VPS33A: variants seen among roughly 807,000 people sequenced by gnomAD.
The protein encoded by VPS33A is VPS33A core subunit of CORVET and HOPS complexes, also known as vacuolar protein sorting-associated protein 33A.
Under a neutral mutation model 71.8 loss-of-function variants are expected in VPS33A, and 32 were observed. That is an observed-to-expected ratio of 0.45 (90% CI 0.34 to 0.60). VPS33A has a LOEUF of 0.60. Ranked by LOEUF, VPS33A falls within the 20% of genes least tolerant of loss-of-function variation. VPS33A has a pLI of 0.02. For missense variants in VPS33A, 625 were observed against 748.5 expected, an observed-to-expected ratio of 0.84 and a Z score of 1.92; for synonymous variants, 311 against 292.7, an observed-to-expected ratio of 1.06 and a Z score of -0.64.
chr12:122,244,889 G>A (rs897524953), intron 6 of VPS33A, 127 bp from the exon 7 acceptor site: 2 of 866,956 alleles, frequency 2.3e-6, no homozygotes, highest in Non-Finnish European at 3.5e-6. Context: ...ACATAGCTCT[G>A]AGCTTTTGAT....
At chr12:122,259,254 T>C (rs1179152058) in intron 4 of VPS33A, among the ~76,000 whole-genome samples, 1 of 151,904 alleles carries the variant, frequency 6.6e-6, no homozygotes, top group Non-Finnish European at 1.5e-5. Flanking sequence ...AGTTTCACTC[T>C]TGTTGCCCAG....
At chr12:122,235,289 G>C (rs1296199706) in intron 11 of VPS33A, among the ~76,000 whole-genome samples, 3 of 141,778 alleles carry the variant, frequency 2.1e-5, no homozygotes, top group Non-Finnish European at 4.5e-5. Context: ...TTTTGAGACA[G>C]AGTCTTGCTC....
intron 11 of VPS33A, among the ~76,000 whole-genome samples, chr12:122,234,257 T>C (rs1396185057): frequency 1.3e-5 from 2 of 152,210 alleles, no homozygotes; most frequent in African/African-American, 2.4e-5. Context: ...TGGCCCTGCT[T>C]TTGCATAGCT....
At chr12:122,251,145 A>G (rs765367966) in intron 4 of VPS33A, 46 bp from the exon 5 acceptor site, 15 of 1,361,714 alleles carry the variant, frequency 1.1e-5, no homozygotes, top group African/African-American at 1.4e-5. Flanking sequence ...GGGGCCTCCC[A>G]GGGGCCCATC....
In VPS33A at chr12:122,230,927, T is replaced by C. The variant is rs559692954; in HGVS notation, c.*1319A>G. ...GCTGGTCTCCAAGATCATCAAGAGA[T>C]ACACCTGGAGAAGGCTGAGGTCACC... On this transcript the variant is annotated 3_prime_UTR_variant, in exon 13 of 13. Transcript: ENST00000267199. 1 of 152,216 alleles carries C rather than the reference T, an allele frequency of 6.6e-6. No homozygotes were observed. The highest frequency in any genetic ancestry group is 6.5e-5 in the Admixed American group (1 of 15,278). The allele number at this position is 152,216 out of a possible 1,614,324, so 9.4% of individuals were successfully genotyped here.
At position 122,264,172 on chromosome 12, in the gene VPS33A, C is replaced by G. The variant is rs1955035899; in HGVS notation, c.130G>C (p.Gly44Arg). Residue 44 changes from glycine (G) to arginine (R), a missense_variant, in exon 2 of 13, where the codon GGA becomes CGA. Physicochemically the swap from Gly to Arg is moderately radical, Grantham distance 125. Coordinates refer to ENST00000267199, the MANE Select transcript of VPS33A (RefSeq NM_022916.6). ...TACTGTGCAATCAGGCCAAAGGGTC[C>G]AGTTAGGTATTCATCCCAAACTATT... ...KAIVWDEYLT[G>R]PFGLIAQYSL... 3 of 1,557,398 alleles carry G rather than the reference C, an allele frequency of 1.9e-6. No individual in the cohort carries two copies. The highest frequency in any genetic ancestry group is 2.6e-6 in the Non-Finnish European group (3 of 1,141,598).
intron 10 of VPS33A, among the ~76,000 whole-genome samples, chr12:122,237,342 A>C (rs1361598487): frequency 6.6e-6 from 1 of 152,142 alleles, no homozygotes; most frequent in Admixed American, 6.6e-5. Flanking sequence ...TGGCTGTGCC[A>C]CTTACCAGCC....
In VPS33A at chr12:122,231,563, CTCTTTT is replaced by C. The variant is rs1765361690; in HGVS notation, c.*677_*682del. ...CACTGGGGATTAGAGGATGAACTTT[CTCTTTT>C]TATTTTCAGTTTCACCTCCTCAGTC... is the stretch of plus-strand genomic sequence containing the variant. On this transcript the variant is annotated 3_prime_UTR_variant, in exon 13 of 13. Coordinates refer to ENST00000267199, the MANE Select transcript of VPS33A (RefSeq NM_022916.6). 2 of 152,200 alleles carry C rather than the reference CTCTTTT, an allele frequency of 1.3e-5. No individual in the cohort carries two copies. Among genetic ancestry groups the C allele is most frequent in the African/African-American group, 4.8e-5 (2 of 41,450 alleles). The allele number at this position is 152,200 out of a possible 1,614,324, so 9.4% of individuals were successfully genotyped here.
chr12:122,239,120 C>T (rs374842448), intron 9 of VPS33A, among the ~76,000 whole-genome samples: 11 of 152,156 alleles, frequency 7.2e-5, no homozygotes, highest in Admixed American at 3.3e-4. Flanking sequence ...TCTAAGGACA[C>T]GCTTCTGAGA....
chr12:122,251,040 G>A lies in VPS33A; in HGVS notation c.543C>T (p.Thr181=), dbSNP rs756544569. The change falls in exon 5 of 13, where the codon ACC becomes ACT. Residue 181 remains threonine, a synonymous_variant. Coordinates refer to ENST00000267199, the MANE Select transcript of VPS33A (RefSeq NM_022916.6). ...GGATCGTTCCATACAGAGCTTGCAGGGTCATCAGCCCCTTGGCTGCGTGGT... is the reference window on the plus strand; with the variant it reads ...GGATCGTTCCATACAGAGCTTGCAGAGTCATCAGCCCCTTGGCTGCGTGGT... ...SLYHAAKGLM[T]LQALYGTIPQ... is the part of the protein sequence containing the mutation. 14 of 1,614,036 alleles carry A rather than the reference G, an allele frequency of 8.7e-6. No individual in the cohort carries two copies. In the Admixed American group the frequency reaches 1.7e-4, roughly 19 times the overall value.
chr12:122,239,540 C>T (rs919236597), intron 9 of VPS33A, among the ~76,000 whole-genome samples: 1 of 152,042 alleles, frequency 6.6e-6, no homozygotes, highest in Non-Finnish European at 1.5e-5. Flanking sequence ...CGAGACCATC[C>T]TGGCTAACAT....
chr12:122,239,560 C>T (rs545467278), intron 9 of VPS33A, among the ~76,000 whole-genome samples: 1 of 151,946 alleles, frequency 6.6e-6, no homozygotes, highest in Non-Finnish European at 1.5e-5. Context: ...TGGTGAAACC[C>T]CGTCTCTATT....
chr12:122,243,213 T>C (rs1177746813), intron 7 of VPS33A, among the ~76,000 whole-genome samples: 1 of 152,342 alleles, frequency 6.6e-6, no homozygotes, highest in South Asian at 2.1e-4. Context: ...AAGTTTCCTG[T>C]GTAACAGAAA....
intron 4 of VPS33A, among the ~76,000 whole-genome samples, chr12:122,256,743 C>T (rs756867351): frequency 3.9e-5 from 6 of 152,188 alleles, no homozygotes; most frequent in Admixed American, 1.3e-4. Context: ...ATGACAAAGG[C>T]GAACGCAGCC....
chr12:122,253,995 T>G (rs73421744), intron 4 of VPS33A, among the ~76,000 whole-genome samples: 3,949 of 152,126 alleles, frequency 0.026, 127 homozygotes, highest in African/African-American at 0.067. Flanking sequence ...CCCTTAACAT[T>G]TAAATGCGCA....
At chr12:122,238,821 G>A in intron 9 of VPS33A, 97 bp from the exon 10 acceptor site, 1 of 1,172,422 alleles carries the variant, frequency 8.5e-7, no homozygotes, top group Non-Finnish European at 1.2e-6. Context: ...CATGGTTTAG[G>A]AACTTAACTT....
chr12:122,254,088 T>C (rs1257541997), intron 4 of VPS33A, among the ~76,000 whole-genome samples: 1 of 152,194 alleles, frequency 6.6e-6, no homozygotes, highest in Non-Finnish European at 1.5e-5. Context: ...TTATATATGC[T>C]GATTTTTATA....
At chr12:122,250,637 A>G (rs1455082032) in intron 5 of VPS33A, among the ~76,000 whole-genome samples, 1 of 152,158 alleles carries the variant, frequency 6.6e-6, no homozygotes, top group Non-Finnish European at 1.5e-5. Context: ...AAACAGTGAA[A>G]TCACCAAAAA....
intron 7 of VPS33A, among the ~76,000 whole-genome samples, chr12:122,243,408 A>C (rs1002475525): frequency 2.0e-5 from 3 of 151,922 alleles, no homozygotes; most frequent in Non-Finnish European, 4.4e-5. Flanking sequence ...AGTTAAAAAA[A>C]AAAAAAGTTT....
Sources: allele counts gnomAD v4.1 joint callset (sites outside exome capture counted in the v4.1 genomes callset), GRCh38; gene constraint gnomAD v4.1.1; transcripts MANE v1.5; gene names NCBI Gene and HGNC (gene_info 2026-07-23, HGNC 2026-07-21).